Variants in RMDN2 observed in about 807,000 individuals in gnomAD.
The protein encoded by RMDN2 is regulator of microtubule dynamics protein 2.
In RMDN2, 61 loss-of-function variants were observed where a neutral mutation model predicts 52.8. That is an observed-to-expected ratio of 1.16 (90% CI 0.94 to 1.43). The LOEUF (loss-of-function observed/expected upper bound fraction) is 1.43, where lower values mean the gene tolerates loss of function less well. Ranked by LOEUF, RMDN2 falls within the 40% of genes most tolerant of loss-of-function variation. RMDN2 has a pLI of 0.00. For missense variants in RMDN2, 592 were observed against 475.3 expected, an observed-to-expected ratio of 1.25 and a Z score of -2.28; for synonymous variants, 180 against 153.1, an observed-to-expected ratio of 1.18 and a Z score of -1.30.
intron 10 of RMDN2, among the ~76,000 whole-genome samples, chr2:38,014,059 A>T (rs1678389347): frequency 6.6e-6 from 1 of 152,048 alleles, no homozygotes; most frequent in African/African-American, 2.4e-5. Context: ...AAAAAAACAC[A>T]AAATTAGTCG....
At chr2:37,945,867 GA>G (rs1668176031) in intron 2 of RMDN2, among the ~76,000 whole-genome samples, 1 of 152,080 alleles carries the variant, frequency 6.6e-6, no homozygotes, top group South Asian at 2.1e-4. Context: ...CCCCACTTAA[GA>G]AAGTACACGG....
At chr2:38,008,335 G>T (rs1260003464) in intron 10 of RMDN2, among the ~76,000 whole-genome samples, 3 of 152,146 alleles carry the variant, frequency 2.0e-5, no homozygotes, top group Non-Finnish European at 2.9e-5. Flanking sequence ...TACTGTGTGG[G>T]AGTCTAAGTC....
intron 5 of RMDN2, among the ~76,000 whole-genome samples, chr2:37,985,659 A>G (rs749346048): frequency 1.1e-4 from 16 of 152,174 alleles, no homozygotes; most frequent in Admixed American, 3.9e-4. Context: ...TATAGAAAGT[A>G]TGCTTGTAAA....
chr2:38,003,898 A>G (rs2125192058), intron 8 of RMDN2, 93 bp from the exon 9 acceptor site: 2 of 1,002,062 alleles, frequency 2.0e-6, no homozygotes, highest in South Asian at 1.3e-5. Flanking sequence ...TTGGTTCATA[A>G]TATTTGATTT....
In RMDN2 at chr2:37,938,325, A is replaced by G. The variant is rs147844612; in HGVS notation, c.452+8596A>G. Among the ~76,000 whole-genome samples the G allele has an allele frequency of 2.1e-3, 318 of 152,304 alleles. 2 individuals are homozygous for G. Among genetic ancestry groups the G allele is most frequent in the African/African-American group, 7.3e-3 (304 of 41,570 alleles). On this transcript the variant is annotated intron_variant, in intron 2 of 10. Coordinates refer to ENST00000354545, the MANE Select transcript of RMDN2 (RefSeq NM_001170791.3). The stretch of plus-strand genomic sequence containing the variant: ...TATTTTATTGAGGATTTTTGCATCA[A>G]TCTTCATCAGGGATATTGGCCTGAA...
At chr2:37,936,205 G>A (rs1246294213) in intron 2 of RMDN2, among the ~76,000 whole-genome samples, 3 of 152,094 alleles carry the variant, frequency 2.0e-5, no homozygotes, top group African/African-American at 7.2e-5. Context: ...AGCTTCATCC[G>A]TGTCCCTGCA....
At chr2:37,928,767 C>G (rs1666486366) in intron 1 of RMDN2, 2 of 152,362 alleles carry the variant, frequency 1.3e-5, no homozygotes, top group Admixed American at 1.3e-4. Context: ...TCTACTTCAT[C>G]AATTTTTCTT....
chr2:37,962,979 C>G (rs1326746282), intron 2 of RMDN2: 1 of 152,790 alleles, frequency 6.5e-6, no homozygotes, highest in African/African-American at 2.4e-5. Context: ...CTTGCACTTC[C>G]TGGGTGAGGC....
At chr2:37,935,161 C>G (rs1196530572) in intron 2 of RMDN2, among the ~76,000 whole-genome samples, 1 of 152,116 alleles carries the variant, frequency 6.6e-6, no homozygotes, top group Non-Finnish European at 1.5e-5. Flanking sequence ...TAACACAAAA[C>G]ACCACGAATC....
rs528128111 is a variant in RMDN2, at chr2:37,978,172, C to T, written c.730+2858C>T. On this transcript the variant is annotated intron_variant, in intron 4 of 10. Coordinates refer to ENST00000354545, the MANE Select transcript of RMDN2 (RefSeq NM_001170791.3). Reference sequence around the variant, plus strand: ...CGTCTCCACCAAAAAATACGAAAACCAGTCAGGCGTGGTGATGCGTGCCTG... The same window carrying T: ...CGTCTCCACCAAAAAATACGAAAACTAGTCAGGCGTGGTGATGCGTGCCTG... 2.6e-5 allele frequency among the ~76,000 whole-genome samples: 4 copies of T among 152,220 alleles called. No individual in the cohort carries two copies. The South Asian group carries it at 8.3e-4, about 32-fold the overall frequency.
chr2:37,930,855 T>C (rs888455078), intron 2 of RMDN2, among the ~76,000 whole-genome samples: 15 of 152,138 alleles, frequency 9.9e-5, no homozygotes. Context: ...GTGCCCAGCC[T>C]CTGGCACGGT....
intron 2 of RMDN2, among the ~76,000 whole-genome samples, chr2:37,941,920 G>T (rs1667823086): frequency 7.0e-6 from 1 of 143,112 alleles, no homozygotes; most frequent in African/African-American, 2.7e-5. Flanking sequence ...TCTCGCTGGT[G>T]TTCCAGGTGC....
intron 10 of RMDN2, chr2:38,029,507 A>T (rs769060870): frequency 2.6e-5 from 4 of 151,814 alleles, no homozygotes; most frequent in Non-Finnish European, 4.4e-5. Flanking sequence ...CATATTATTT[A>T]CCTTTGTATC....
At chr2:37,973,850 G>A (rs757812178) in intron 2 of RMDN2, among the ~76,000 whole-genome samples, 190 bp from the exon 3 acceptor site, 2 of 152,088 alleles carry the variant, frequency 1.3e-5, no homozygotes, top group African/African-American at 2.4e-5. Flanking sequence ...AAGAGGTAAC[G>A]AGATCGTGGG....
At chr2:38,013,900 G>C (rs1053741399) in intron 10 of RMDN2, among the ~76,000 whole-genome samples, 6 of 152,162 alleles carry the variant, frequency 3.9e-5, no homozygotes, top group African/African-American at 2.4e-5. Context: ...ATTATTCCTA[G>C]TACTTTTTAG....
upstream of RMDN2, among the ~76,000 whole-genome samples, chr2:37,922,017 C>T (rs1393547915): frequency 6.6e-6 from 1 of 152,192 alleles, no homozygotes; most frequent in East Asian, 1.9e-4. Flanking sequence ...GGACTTCTTC[C>T]TCTGCCCCTG....
chr2:38,029,430 C>G (rs1244740178), intron 10 of RMDN2: 1 of 152,114 alleles, frequency 6.6e-6, no homozygotes, highest in Non-Finnish European at 1.5e-5. Context: ...AGCCCTGGAG[C>G]ATTTTTTTGC....
intron 2 of RMDN2, chr2:37,951,203 T>A: frequency 6.6e-7 from 1 of 1,519,540 alleles, no homozygotes. Flanking sequence ...CCTATTTTTT[T>A]TCCTCATTTG....
chr2:37,974,615 G>C (rs1415368984), intron 3 of RMDN2: 1 of 149,188 alleles, frequency 6.7e-6, no homozygotes, highest in African/African-American at 2.5e-5. Context: ...AGAAAAGCCT[G>C]TCCAGAGCTC....
Sources: gnomAD v4.1 joint callset for allele counts (sites outside exome capture counted in the v4.1 genomes callset) on GRCh38, gnomAD v4.1.1 for gene constraint, MANE v1.5 for transcripts, NCBI Gene and HGNC (gene_info 2026-07-23, HGNC 2026-07-21) for gene names.